The following RIMS2 variants were observed in gnomAD, a reference collection of about 807,000 sequenced individuals.
RIMS2 encodes regulating synaptic membrane exocytosis 2.
A neutral mutation model predicts 174.4 loss-of-function variants in RIMS2; 59 were observed. The observed-to-expected ratio is 0.34, with a 90% CI of 0.27 to 0.42. RIMS2 has a LOEUF of 0.42. Ranked by LOEUF, RIMS2 falls within the 10% of genes least tolerant of loss-of-function variation. RIMS2 has a pLI of 1.00. For synonymous variants in RIMS2, 606 were observed against 572.5 expected (o/e 1.06, Z -0.84); for missense variants, 1,620 against 1,666.3 (o/e 0.97, Z 0.48).
intron 3 of RIMS2, among the ~76,000 whole-genome samples, chr8:103,823,310 G>A (rs1364083704): frequency 6.6e-6 from 1 of 151,860 alleles, no homozygotes; most frequent in African/African-American, 2.4e-5. Flanking sequence ...AATATTAGTA[G>A]ACAGAAGAAT....
intron 4 of RIMS2, among the ~76,000 whole-genome samples, chr8:103,909,568 A>G (rs973674479): frequency 9.2e-5 from 14 of 152,270 alleles, no homozygotes; most frequent in African/African-American, 3.4e-4. Context: ...ATACAAATTA[A>G]TCTTTTGTGA....
chr8:103,809,294 A>T (rs1326387438), intron 3 of RIMS2, among the ~76,000 whole-genome samples: 1 of 151,586 alleles, frequency 6.6e-6, no homozygotes, highest in African/African-American at 2.4e-5. Flanking sequence ...ACTTCCTCTG[A>T]ACTTCTGAAC....
chr8:104,098,989 C>A (rs1421732937), intron 19 of RIMS2, among the ~76,000 whole-genome samples: 1 of 152,132 alleles, frequency 6.6e-6, no homozygotes, highest in African/African-American at 2.4e-5. Context: ...TCTATCTAGG[C>A]TTTTTAGCTT....
At chr8:103,886,560 A>G (rs2099203090) in intron 4 of RIMS2, among the ~76,000 whole-genome samples, 1 of 151,942 alleles carries the variant, frequency 6.6e-6, no homozygotes, top group African/African-American at 2.4e-5. Context: ...TTATAAAAGT[A>G]ACAATATATT....
chr8:104,223,400 G>A, intron 19 of RIMS2: 1 of 1,260,124 alleles, frequency 7.9e-7, no homozygotes, highest in Non-Finnish European at 9.9e-7. Flanking sequence ...CGTTCACTGC[G>A]AGCAGCCGCT....
chr8:103,557,426 A>C (rs1462231243), intron 1 of RIMS2, among the ~76,000 whole-genome samples: 1 of 151,776 alleles, frequency 6.6e-6, no homozygotes, highest in African/African-American at 2.4e-5. Flanking sequence ...TGATTTTCTT[A>C]TTTTCTTTCC....
chr8:104,162,909 C>T (rs1051105504), intron 19 of RIMS2, among the ~76,000 whole-genome samples: 6 of 152,038 alleles, frequency 3.9e-5, no homozygotes, highest in Admixed American at 6.6e-5. Context: ...AATGAAATCC[C>T]CATACACTCT....
chr8:104,174,138 G>T (rs1336219433), intron 19 of RIMS2, among the ~76,000 whole-genome samples: 1 of 151,792 alleles, frequency 6.6e-6, no homozygotes, highest in African/African-American at 2.4e-5. Context: ...GTAGAGATGG[G>T]GTTTCACCAT....
intron 1 of RIMS2, among the ~76,000 whole-genome samples, chr8:103,651,468 AT>A (rs1444026868): frequency 1.3e-5 from 2 of 152,214 alleles, no homozygotes; most frequent in Non-Finnish European, 2.9e-5. Context: ...TAATATAAAA[AT>A]ATCTTCTCAT....
At chr8:103,791,568 C>T (rs533876873) in intron 3 of RIMS2, among the ~76,000 whole-genome samples, 26 of 152,256 alleles carry the variant, frequency 1.7e-4, no homozygotes, top group African/African-American at 6.3e-4. Context: ...TCACACATAA[C>T]TATATTAACC....
At chr8:103,871,648 C>T (rs1294165224) in intron 3 of RIMS2, among the ~76,000 whole-genome samples, 3 of 152,000 alleles carry the variant, frequency 2.0e-5, no homozygotes, top group Non-Finnish European at 2.9e-5. Context: ...AATGCTCTGA[C>T]GTGTTCTGAT....
intron 17 of RIMS2, among the ~76,000 whole-genome samples, chr8:103,994,729 T>C (rs564499976): frequency 6.6e-6 from 1 of 152,198 alleles, no homozygotes; most frequent in South Asian, 2.1e-4. Flanking sequence ...TTTTTATAGT[T>C]TTCAACAGAA....
At chr8:103,771,294 A>T (rs1314129893) in intron 3 of RIMS2, among the ~76,000 whole-genome samples, 3 of 152,118 alleles carry the variant, frequency 2.0e-5, no homozygotes, top group Non-Finnish European at 4.4e-5. Flanking sequence ...GTAAAACTGG[A>T]TTTTTTTCTG....
chr8:103,583,564 G>T (rs2093735335), intron 1 of RIMS2, among the ~76,000 whole-genome samples: 1 of 152,082 alleles, frequency 6.6e-6, no homozygotes, highest in Admixed American at 6.5e-5. Context: ...AAGAAATTCA[G>T]AATTCTATCA....
chr8:103,882,376 T>G (rs2099171369), intron 3 of RIMS2, among the ~76,000 whole-genome samples: 2 of 151,558 alleles, frequency 1.3e-5, no homozygotes, highest in African/African-American at 2.4e-5. Context: ...AAAAATTGTT[T>G]GATAGAATAT....
intron 16 of RIMS2, among the ~76,000 whole-genome samples, chr8:103,979,777 G>A (rs961806396): frequency 6.6e-6 from 1 of 152,212 alleles, no homozygotes; most frequent in African/African-American, 2.4e-5. Flanking sequence ...GCATTTGGGA[G>A]AGGAAGAGCG....
At chr8:103,861,480 C>T (rs949465111) in intron 3 of RIMS2, among the ~76,000 whole-genome samples, 2 of 152,010 alleles carry the variant, frequency 1.3e-5, no homozygotes, top group South Asian at 2.1e-4. Context: ...GATTTATTTT[C>T]GTCTGGGTAG....
chr8:104,085,436 G>A (rs753950285), intron 19 of RIMS2, among the ~76,000 whole-genome samples: 9 of 152,162 alleles, frequency 5.9e-5, no homozygotes, highest in African/African-American at 1.7e-4. Flanking sequence ...TTATATTTCA[G>A]AGGTCACACT....
intron 3 of RIMS2, among the ~76,000 whole-genome samples, chr8:103,824,424 G>T (rs776261443): frequency 1.4e-4 from 21 of 152,190 alleles, no homozygotes; most frequent in Non-Finnish European, 2.9e-4. Context: ...CCCAACAAAA[G>T]AATTCCTAGG....
Sources: allele counts gnomAD v4.1 joint callset (sites outside exome capture counted in the v4.1 genomes callset), GRCh38; gene constraint gnomAD v4.1.1; transcripts MANE v1.5; gene names NCBI Gene and HGNC (gene_info 2026-07-23, HGNC 2026-07-21).